The following NELL2 variants were observed in gnomAD, a reference collection of about 807,000 sequenced individuals.
NELL2 encodes the protein protein kinase C-binding protein NELL2.
A neutral mutation model predicts 109.6 loss-of-function variants in NELL2; 41 were observed. That is an observed-to-expected ratio of 0.37 (90% confidence interval 0.29 to 0.49). NELL2 has a LOEUF of 0.49. Among genes scored for constraint, NELL2 ranks in the 20% least tolerant of loss-of-function variants. The probability of loss-of-function intolerance (pLI) is 0.98; values close to 1 mark genes in which losing one functional copy is unlikely to be tolerated. For synonymous variants in NELL2, 355 were observed against 344.7 expected, an observed-to-expected ratio of 1.03 and a Z score of -0.33; for missense variants, 900 against 1,008.3, an observed-to-expected ratio of 0.89 and a Z score of 1.45.
At chr12:44,586,845 G>A (rs117090575) in intron 15 of NELL2, among the ~76,000 whole-genome samples, 2,807 of 152,226 alleles carry the variant, frequency 0.018, 27 homozygotes, top group Non-Finnish European at 0.026. Flanking sequence ...TCTTCATCAC[G>A]TTTCCAATGC....
intron 15 of NELL2, among the ~76,000 whole-genome samples, chr12:44,585,709 C>T (rs998705988): frequency 1.3e-5 from 2 of 150,004 alleles, no homozygotes; most frequent in African/African-American, 4.9e-5. Context: ...GTGAATTTTG[C>T]ATGGGTATAT....
At chr12:44,867,479 A>C (rs1945034030) in intron 2 of NELL2, among the ~76,000 whole-genome samples, 3 of 152,192 alleles carry the variant, frequency 2.0e-5, no homozygotes, top group African/African-American at 7.2e-5. Context: ...ATGTATCTCA[A>C]CACAATAAAG....
At chr12:44,831,430 T>C (rs1287347788) in intron 2 of NELL2, among the ~76,000 whole-genome samples, 2 of 152,216 alleles carry the variant, frequency 1.3e-5, no homozygotes, top group African/African-American at 2.4e-5. Flanking sequence ...AATGATCATG[T>C]TGAGAATTCT....
intron 13 of NELL2, among the ~76,000 whole-genome samples, chr12:44,618,956 T>G (rs1447907611): frequency 6.6e-6 from 1 of 152,136 alleles, no homozygotes; most frequent in Non-Finnish European, 1.5e-5. Context: ...CTTGGAGCAA[T>G]AAGGTGCTTT....
At chr12:44,520,733 T>C (rs1941487302) in intron 18 of NELL2, among the ~76,000 whole-genome samples, 1 of 152,138 alleles carries the variant, frequency 6.6e-6, no homozygotes, top group African/African-American at 2.4e-5. Context: ...TGTAGAGACT[T>C]TGAAAAAAAA....
At chr12:44,632,908 G>C (rs1240470210) in intron 13 of NELL2, among the ~76,000 whole-genome samples, 1 of 151,678 alleles carries the variant, frequency 6.6e-6, no homozygotes, top group African/African-American at 2.4e-5. Context: ...GCTATAACTA[G>C]GCCATAGAGA....
intron 11 of NELL2, 71 bp downstream of exon 11, chr12:44,711,221 C>T (rs1938179668): frequency 9.0e-7 from 1 of 1,116,188 alleles, no homozygotes; most frequent in African/African-American, 1.5e-5. Flanking sequence ...AGAATTTCTA[C>T]TTCATGTCAG....
intron 3 of NELL2, among the ~76,000 whole-genome samples, chr12:44,789,700 C>T (rs550715712): frequency 6.6e-6 from 1 of 151,934 alleles, no homozygotes; most frequent in African/African-American, 2.4e-5. Context: ...AAAGACAAAG[C>T]CCAATGCAAG....
intron 1 of NELL2, among the ~76,000 whole-genome samples, chr12:44,895,167 T>C (rs564387028): frequency 5.9e-5 from 9 of 152,310 alleles, no homozygotes; most frequent in Admixed American, 5.2e-4. Context: ...CAGACTTTCC[T>C]TTCAACACTT....
intron 3 of NELL2, among the ~76,000 whole-genome samples, chr12:44,814,692 C>G (rs1943282120): frequency 6.6e-6 from 1 of 152,190 alleles, no homozygotes; most frequent in African/African-American, 2.4e-5. Context: ...TCCTTTGGAG[C>G]TAAAGATGTA....
chr12:44,686,390 C>T (rs554164222), intron 12 of NELL2, among the ~76,000 whole-genome samples: 81 of 152,278 alleles, frequency 5.3e-4, no homozygotes, highest in East Asian at 1.4e-3. Context: ...GTAATTTGAT[C>T]GTCTGAAGCC....
intron 1 of NELL2, among the ~76,000 whole-genome samples, chr12:44,900,673 A>G (rs1398025519): frequency 6.6e-6 from 1 of 152,168 alleles, no homozygotes; most frequent in Non-Finnish European, 1.5e-5. Context: ...ATGATCTAAA[A>G]TTGACACCCT....
At chr12:44,829,903 A>G (rs1943833898) in intron 2 of NELL2, among the ~76,000 whole-genome samples, 1 of 152,174 alleles carries the variant, frequency 6.6e-6, no homozygotes, top group Non-Finnish European at 1.5e-5. Flanking sequence ...CTAAAATGAA[A>G]GCTGAATCAC....
intron 12 of NELL2, among the ~76,000 whole-genome samples, chr12:44,674,819 A>C (rs560864772): frequency 6.6e-6 from 1 of 152,338 alleles, no homozygotes; most frequent in Non-Finnish European, 1.5e-5. Flanking sequence ...AATCTTAAGT[A>C]ATCTACCCAG....
At chr12:44,558,274 T>TA (rs1416518828) in intron 15 of NELL2, among the ~76,000 whole-genome samples, 1 of 152,116 alleles carries the variant, frequency 6.6e-6, no homozygotes, top group African/African-American at 2.4e-5. Context: ...TCTAGCTGCA[T>TA]AAAAAATAGT....
intron 15 of NELL2, among the ~76,000 whole-genome samples, chr12:44,576,683 A>G (rs1347869019): frequency 6.6e-6 from 1 of 152,016 alleles, no homozygotes; most frequent in Non-Finnish European, 1.5e-5. Flanking sequence ...ATATCTCCCA[A>G]TGCTATTCCT....
intron 9 of NELL2, among the ~76,000 whole-genome samples, chr12:44,746,115 A>C (rs1439058899): frequency 2.0e-5 from 3 of 152,204 alleles, no homozygotes; most frequent in African/African-American, 7.2e-5. Context: ...GACCAATGGA[A>C]CAGAACAGAG....
At chr12:44,672,348 A>G (rs565069717) in intron 12 of NELL2, among the ~76,000 whole-genome samples, 2 of 152,240 alleles carry the variant, frequency 1.3e-5, no homozygotes, top group African/African-American at 4.8e-5. Flanking sequence ...TGCAACCCCT[A>G]TTGTGAACTG....
At chr12:44,623,570 A>T (rs1566037570) in intron 13 of NELL2, among the ~76,000 whole-genome samples, 1 of 151,160 alleles carries the variant, frequency 6.6e-6, no homozygotes, top group East Asian at 1.9e-4. Flanking sequence ...CTTAAACTTC[A>T]GTAATTCTTC....
Sources: gnomAD v4.1 joint callset for allele counts (sites outside exome capture counted in the v4.1 genomes callset) on GRCh38, gnomAD v4.1.1 for gene constraint, MANE v1.5 for transcripts, NCBI Gene and HGNC (gene_info 2026-07-23, HGNC 2026-07-21) for gene names.